Variants in RNF216 observed in about 807,000 individuals in gnomAD.
The protein encoded by RNF216 is ring finger protein 216, also known as E3 ubiquitin-protein ligase RNF216.
In RNF216, 72 loss-of-function variants were observed where a neutral mutation model predicts 110.8. The observed-to-expected ratio is 0.65, with a 90% CI of 0.54 to 0.79. The LOEUF is 0.79. RNF216 is among the 30% of genes least tolerant of loss of function. The pLI is 0.00. For missense variants in RNF216, 1,342 were observed against 1,141.2 expected (o/e 1.18, Z -2.54); for synonymous variants, 495 against 407.5 (o/e 1.21, Z -2.59).
intron 5 of RNF216, among the ~76,000 whole-genome samples, chr7:5,737,903 C>G (rs1449769414): frequency 6.6e-6 from 1 of 152,032 alleles, no homozygotes; most frequent in African/African-American, 2.4e-5. Context: ...GCCTGACCAA[C>G]ATGATGAAAC....
intron 9 of RNF216, among the ~76,000 whole-genome samples, chr7:5,717,405 G>A (rs76593446): frequency 1.1e-4 from 16 of 152,258 alleles, no homozygotes; most frequent in East Asian, 1.9e-4. Context: ...CTTCGCTGGC[G>A]AGGCTGTGTG....
chr7:5,693,017 T>C (rs1039956357), intron 13 of RNF216, among the ~76,000 whole-genome samples: 8 of 152,242 alleles, frequency 5.3e-5, no homozygotes, highest in African/African-American at 1.4e-4. Context: ...ATTGCACCCA[T>C]TGTTCTACGT....
intron 14 of RNF216, among the ~76,000 whole-genome samples, chr7:5,652,168 G>GA (rs1788431881): frequency 6.6e-6 from 1 of 152,130 alleles, no homozygotes; most frequent in Non-Finnish European, 1.5e-5. Flanking sequence ...GGAAAAGGGG[G>GA]ACCATCATTT....
At chr7:5,712,431 C>T (rs1261500605) in intron 12 of RNF216, among the ~76,000 whole-genome samples, 1 of 151,620 alleles carries the variant, frequency 6.6e-6, no homozygotes, top group Non-Finnish European at 1.5e-5. Flanking sequence ...CAAGATTGCA[C>T]CACTGTACTC....
At chr7:5,700,588 G>A (rs1157067927) in intron 13 of RNF216, among the ~76,000 whole-genome samples, 1 of 152,120 alleles carries the variant, frequency 6.6e-6, no homozygotes, top group African/African-American at 2.4e-5. Context: ...ACAAGCCTGA[G>A]AAGCAATAGC....
At chr7:5,637,788 G>A (rs766674430) in intron 15 of RNF216, among the ~76,000 whole-genome samples, 3 of 152,130 alleles carry the variant, frequency 2.0e-5, no homozygotes, top group Non-Finnish European at 2.9e-5. Flanking sequence ...AGATCTGCCC[G>A]CCTTGGGCTC....
intron 2 of RNF216, among the ~76,000 whole-genome samples, chr7:5,756,855 C>G (rs13237895): frequency 1.3e-5 from 2 of 152,058 alleles, no homozygotes; most frequent in South Asian, 2.1e-4. Context: ...AGGCTGGCCT[C>G]GAAATCCTAG....
intron 15 of RNF216, among the ~76,000 whole-genome samples, chr7:5,633,325 C>T (rs1787194079): frequency 6.6e-6 from 1 of 151,914 alleles, no homozygotes; most frequent in African/African-American, 2.4e-5. Flanking sequence ...CCTGTAATCC[C>T]AGCAATTTGG....
Position 5,624,037 on chromosome 7 carries a change from C to T in RNF216, c.2452+19G>A. The T allele has an allele frequency of 1.9e-6, 3 of 1,610,056 alleles. No individual in the cohort carries two copies. Among genetic ancestry groups the T allele is most frequent in the African/African-American group, 1.3e-5 (1 of 74,992 alleles). On this transcript the variant is annotated intron_variant, in intron 16 of 16. Coordinates refer to ENST00000389902, the MANE Select transcript of RNF216 (RefSeq NM_207111.4). This position sits in a 1 kb window ranked among gnomAD's most constrained non-coding sequence, Gnocchi z 4.4. ...CCTGGCTGCTGCTCTGTCCTGGGGG[C>T]CTGGGGAGGGGCACTTGCCTCCATT...
chr7:5,707,236 T>C (rs1211033630), intron 13 of RNF216, among the ~76,000 whole-genome samples: 1 of 152,234 alleles, frequency 6.6e-6, no homozygotes, highest in African/African-American at 2.4e-5. Context: ...GTCTAGGATA[T>C]TTGGGATCCT....
At chr7:5,645,932 T>A (rs532044948) in intron 14 of RNF216, among the ~76,000 whole-genome samples, 7 of 152,346 alleles carry the variant, frequency 4.6e-5, no homozygotes, top group Admixed American at 4.6e-4. Context: ...GTTCATACAC[T>A]GTGCTCCTGG....
intron 3 of RNF216, among the ~76,000 whole-genome samples, chr7:5,749,540 T>C (rs368627248): frequency 6.6e-5 from 10 of 152,328 alleles, no homozygotes; most frequent in African/African-American, 2.4e-4. Context: ...ATAATTTTGG[T>C]TCAGAAATAA....
At position 5,715,169 on chromosome 7, in the gene RNF216, G is replaced by A. The variant is rs147871230; in HGVS notation, c.1717C>T (p.Arg573Cys). The A allele has an allele frequency of 2.8e-4, 454 of 1,613,192 alleles. No homozygotes were observed. The highest frequency in any genetic ancestry group is 3.7e-4 in the Non-Finnish European group (436 of 1,179,938). ...AATGGAAATTCCCCATAGCAGCAGC[G>A]ACACTCAATCAGCTGGCCATCCTGC... ...YQKDGQLIECRCCYGEFPFEE... is the reference protein window; with the variant it reads ...YQKDGQLIECCCCYGEFPFEE... Residue 573 changes from arginine (R) to cysteine (C), a missense_variant, in exon 11 of 17, where the codon CGC becomes TGC. Transcript: ENST00000389902.
At chr7:5,675,033 C>T (rs1233574337) in intron 13 of RNF216, among the ~76,000 whole-genome samples, 1 of 152,002 alleles carries the variant, frequency 6.6e-6, no homozygotes, top group African/African-American at 2.4e-5. Context: ...ATATATAAAG[C>T]AAATGTCGGT....
In RNF216 at chr7:5,714,983, C is replaced by G. The variant is rs147368789; in HGVS notation, c.1833+70G>C. The G allele has an allele frequency of 4.9e-5, 71 of 1,436,846 alleles. No individual in the cohort carries two copies. In the African/African-American group the frequency reaches 9.7e-4, roughly 20 times the overall value. The allele number at this position is 1,436,846 out of a possible 1,614,324, so 89.0% of individuals were successfully genotyped here. On this transcript the variant is annotated intron_variant, in intron 11 of 16. Coordinates refer to ENST00000389902, the MANE Select transcript of RNF216 (RefSeq NM_207111.4). ...CCCTCAAAGAGGCACTTACACTTAT[C>G]TATCAACATGGTCTCCTTAGACTCC...
intron 5 of RNF216, among the ~76,000 whole-genome samples, chr7:5,738,370 T>C (rs1027758958): frequency 2.0e-5 from 3 of 151,924 alleles, no homozygotes; most frequent in Non-Finnish European, 4.4e-5. Flanking sequence ...GAATTAAAGG[T>C]GTGAACCATA....
intron 5 of RNF216, among the ~76,000 whole-genome samples, chr7:5,738,567 G>T (rs1332308495): frequency 6.6e-6 from 1 of 151,908 alleles, no homozygotes; most frequent in Non-Finnish European, 1.5e-5. Context: ...AATTAGCCAG[G>T]CGTGCTGGCA....
intron 13 of RNF216, among the ~76,000 whole-genome samples, chr7:5,699,043 T>A (rs1791807742): frequency 6.6e-6 from 1 of 152,146 alleles, no homozygotes; most frequent in South Asian, 2.1e-4. Context: ...CTTGTTTTTT[T>A]TAAAACTAAC....
intron 13 of RNF216, among the ~76,000 whole-genome samples, chr7:5,660,191 G>C (rs569393551): frequency 6.9e-6 from 1 of 143,918 alleles, no homozygotes; most frequent in Non-Finnish European, 1.5e-5. Flanking sequence ...GGGCTCAAGC[G>C]ATCTGCCCAC....
Sources: gnomAD v4.1 joint callset for allele counts (sites outside exome capture counted in the v4.1 genomes callset) on GRCh38, gnomAD v4.1.1 for gene constraint, Gnocchi (gnomAD v3.1) non-coding constraint, MANE v1.5 for transcripts, NCBI Gene and HGNC (gene_info 2026-07-23, HGNC 2026-07-21) for gene names.